Variants in COL28A1 observed in about 807,000 individuals in gnomAD.
COL28A1 encodes collagen type XXVIII alpha 1 chain, also known as collagen alpha-1(XXVIII) chain.
In COL28A1, 161 loss-of-function variants were observed where a neutral mutation model predicts 150.2. The observed-to-expected ratio is 1.07, with a 90% CI of 0.94 to 1.22. The LOEUF (loss-of-function observed/expected upper bound fraction) is 1.22, where lower values mean the gene tolerates loss of function less well. COL28A1 is among the 50% of genes most tolerant of loss of function. The pLI, the probability that COL28A1 is intolerant of heterozygous loss-of-function variation, is 0.00. For missense variants in COL28A1, 1,617 were observed against 1,388.3 expected (o/e 1.16, Z -2.62); for synonymous variants, 552 against 469.7 (o/e 1.18, Z -2.26).
chr7:7,366,774 CT>C (rs1249944380), intron 33 of COL28A1, among the ~76,000 whole-genome samples: 1 of 152,206 alleles, frequency 6.6e-6, no homozygotes, highest in African/African-American at 2.4e-5. Flanking sequence ...GGAAATGGTA[CT>C]TCTGAGATCA....
intron 1 of COL28A1, among the ~76,000 whole-genome samples, chr7:7,535,374 TAGAA>T (rs1782586830): frequency 6.6e-6 from 1 of 152,090 alleles, no homozygotes. Context: ...TCTACACAAA[TAGAA>T]AATGATTGAA....
At chr7:7,452,756 G>A (rs1786810137) in intron 17 of COL28A1, among the ~76,000 whole-genome samples, 1 of 152,164 alleles carries the variant, frequency 6.6e-6, no homozygotes. Flanking sequence ...AATGTCATAA[G>A]CAGAGAACGC....
At chr7:7,406,467 T>C (rs1210502758) in intron 27 of COL28A1, among the ~76,000 whole-genome samples, 2 of 152,160 alleles carry the variant, frequency 1.3e-5, no homozygotes, top group African/African-American at 4.8e-5. Context: ...ACAGCCTCTG[T>C]GCTCACAGAA....
At chr7:7,479,145 G>A (rs1207086768) in intron 13 of COL28A1, among the ~76,000 whole-genome samples, 2 of 152,242 alleles carry the variant, frequency 1.3e-5, no homozygotes, top group Admixed American at 1.3e-4. Context: ...GGATTTTGGT[G>A]TCTACAGAGG....
chr7:7,522,112 C>G (rs1030226876), intron 4 of COL28A1, 151 bp from the exon 5 acceptor site: 6 of 690,718 alleles, frequency 8.7e-6, no homozygotes, highest in Middle Eastern at 3.6e-4. Flanking sequence ...CCAACTGGAG[C>G]ACTCTCAAAG....
intron 8 of COL28A1, 52 bp downstream of exon 8, chr7:7,515,762 T>G (rs751128272): frequency 5.9e-6 from 5 of 844,526 alleles, no homozygotes; most frequent in Non-Finnish European, 1.0e-5. Context: ...CACTTATGTT[T>G]CTGTTTTTCT....
chr7:7,505,365 G>C (rs1192937978), intron 11 of COL28A1, among the ~76,000 whole-genome samples: 2 of 152,106 alleles, frequency 1.3e-5, no homozygotes, highest in African/African-American at 4.8e-5. Flanking sequence ...ACTAAGCTTT[G>C]AGAAGAGTTA....
intron 27 of COL28A1, among the ~76,000 whole-genome samples, chr7:7,415,837 C>A (rs777749767): frequency 6.6e-6 from 1 of 152,092 alleles, no homozygotes; most frequent in Non-Finnish European, 1.5e-5. Flanking sequence ...AGGTCTCACT[C>A]TGTCATCCAG....
chr7:7,474,530 A>G, intron 15 of COL28A1, 71 bp downstream of exon 15: 1 of 795,998 alleles, frequency 1.3e-6, no homozygotes, highest in South Asian at 1.5e-5. Context: ...ACAGTTCAGA[A>G]ATGTACATAC....
chr7:7,533,019 G>A, intron 1 of COL28A1, 107 bp from the exon 2 acceptor site: 1 of 1,171,454 alleles, frequency 8.5e-7, no homozygotes, highest in Non-Finnish European at 1.1e-6. Context: ...GGAAAAAAGA[G>A]GTTTTCATTC....
intron 13 of COL28A1, among the ~76,000 whole-genome samples, chr7:7,478,889 C>T (rs568099160): frequency 3.9e-5 from 6 of 152,364 alleles, no homozygotes; most frequent in African/African-American, 9.6e-5. Flanking sequence ...GGCCTGCAAG[C>T]GCCAGGCAGC....
intron 20 of COL28A1, among the ~76,000 whole-genome samples, chr7:7,442,390 C>T (rs142106620): frequency 2.0e-5 from 3 of 152,212 alleles, no homozygotes; most frequent in African/African-American, 4.8e-5. Context: ...TAACTCCAAG[C>T]GCCTATTTTC....
chr7:7,444,522 A>C (rs760186656), intron 18 of COL28A1, 33 bp from the exon 19 acceptor site: 1 of 1,600,472 alleles, frequency 6.2e-7, no homozygotes, highest in Non-Finnish European at 8.6e-7. Flanking sequence ...ATTTCCCTAA[A>C]GTTCATACCT....
chr7:7,532,682 T>C, intron 2 of COL28A1, 70 bp downstream of exon 2: 1 of 1,547,210 alleles, frequency 6.5e-7, no homozygotes, highest in Non-Finnish European at 8.7e-7. Context: ...TATCAAATGC[T>C]ATTTAGAAAA....
intron 21 of COL28A1, among the ~76,000 whole-genome samples, chr7:7,439,626 AAC>A (rs1275200711): frequency 6.6e-6 from 1 of 152,208 alleles, no homozygotes; most frequent in Non-Finnish European, 1.5e-5. Flanking sequence ...TTTATTTCAA[AAC>A]ACAGAAAAAT....
At chr7:7,513,473 G>C (rs1316237291) in intron 8 of COL28A1, among the ~76,000 whole-genome samples, 1 of 152,220 alleles carries the variant, frequency 6.6e-6, no homozygotes, top group Non-Finnish European at 1.5e-5. Context: ...GTGACTCTTA[G>C]AGCCAGCTAT....
intron 11 of COL28A1, among the ~76,000 whole-genome samples, chr7:7,498,022 T>C (rs372477691): frequency 1.5e-4 from 23 of 152,158 alleles, no homozygotes; most frequent in African/African-American, 5.3e-4. Flanking sequence ...GACTCCATAA[T>C]AACAATGAAT....
At chr7:7,462,683 A>T (rs1038541013) in intron 15 of COL28A1, among the ~76,000 whole-genome samples, 17 of 151,840 alleles carry the variant, frequency 1.1e-4, no homozygotes, top group Non-Finnish European at 2.2e-4. Flanking sequence ...ACATAGAGAA[A>T]CCCCGTCTCT....
At chr7:7,512,474 T>C (rs1400440259) in intron 8 of COL28A1, among the ~76,000 whole-genome samples, 1 of 152,174 alleles carries the variant, frequency 6.6e-6, no homozygotes, top group East Asian at 1.9e-4. Flanking sequence ...ACAATAAATA[T>C]GAACTTTTTA....
Sources: allele counts gnomAD v4.1 joint callset (sites outside exome capture counted in the v4.1 genomes callset), GRCh38; gene constraint gnomAD v4.1.1; transcripts MANE v1.5; gene names NCBI Gene and HGNC (gene_info 2026-07-23, HGNC 2026-07-21).